The following KIAA1958 variants were observed in gnomAD, a reference collection of about 807,000 sequenced individuals.
The protein encoded by KIAA1958 is uncharacterized protein KIAA1958.
In KIAA1958, 14 loss-of-function variants were observed where a neutral mutation model predicts 47.2. The observed-to-expected ratio is 0.30, with a 90% CI of 0.20 to 0.46. The LOEUF is 0.46. KIAA1958 is among the 20% of genes least tolerant of loss of function. The pLI, the probability that KIAA1958 is intolerant of heterozygous loss-of-function variation, is 1.00. For synonymous variants in KIAA1958, 354 were observed against 353.3 expected, an observed-to-expected ratio of 1.00 and a Z score of -0.02; for missense variants, 803 against 909.2, an observed-to-expected ratio of 0.88 and a Z score of 1.50.
intron 1 of KIAA1958, among the ~76,000 whole-genome samples, chr9:112,538,253 A>G (rs1834887555): frequency 6.6e-6 from 1 of 152,018 alleles, no homozygotes; most frequent in Admixed American, 6.6e-5. Flanking sequence ...GCTGAGGTGG[A>G]TTGCTTGAGG....
chr9:112,571,118 C>T (rs1047492695), intron 1 of KIAA1958, among the ~76,000 whole-genome samples: 2 of 152,340 alleles, frequency 1.3e-5, no homozygotes, highest in African/African-American at 4.8e-5. Flanking sequence ...ATAATCCACT[C>T]AGACTCACAC....
At chr9:112,650,442 A>AG (rs1222704705) in intron 3 of KIAA1958, among the ~76,000 whole-genome samples, 1 of 152,208 alleles carries the variant, frequency 6.6e-6, no homozygotes, top group Non-Finnish European at 1.5e-5. Context: ...GATGAATGAA[A>AG]GGGTAGTGTT....
chr9:112,612,359 G>GATC lies in KIAA1958; in HGVS notation c.1172-33289_1172-33287dup, dbSNP rs1836341495. Among the ~76,000 whole-genome samples the GATC allele has an allele frequency of 2.0e-5, 3 of 152,232 alleles. No homozygotes were observed. In the South Asian group the frequency reaches 6.2e-4, roughly 32 times the overall value. ...GGAGGACAAGGCTGCAGTGAGCTGT[G>GATC]ATCACATCACTGCATGCCAGCCTGG... On this transcript the variant is annotated intron_variant, in intron 2 of 3. Transcript: ENST00000337530.
chr9:112,625,218 G>T (rs1414293846), intron 2 of KIAA1958, among the ~76,000 whole-genome samples: 2 of 152,168 alleles, frequency 1.3e-5, no homozygotes, highest in African/African-American at 4.8e-5. Context: ...AAGACTCACT[G>T]CAGTGGCACT....
At position 112,667,166 on chromosome 9, in the gene KIAA1958, A is replaced by G. The variant is rs1041927545; in HGVS notation, c.*7097A>G. On this transcript the variant is annotated 3_prime_UTR_variant, in exon 4 of 4. Transcript: ENST00000337530. The stretch of plus-strand genomic sequence containing the variant: ...TTGGAAATATGTTCATCACCTTACC[A>G]TTGACCTGGGATTTAACTGAAAAAG... 2.0e-5 allele frequency: 3 copies of G among 152,240 alleles called. No individual in the cohort carries two copies. The highest frequency in any genetic ancestry group is 7.2e-5 in the African/African-American group (3 of 41,462). The allele number at this position is 152,240 out of a possible 1,614,324, so 9.4% of individuals were successfully genotyped here. A position where few individuals can be genotyped will look rare whatever the true frequency, so the allele number is the denominator to read the frequency against.
intron 2 of KIAA1958, among the ~76,000 whole-genome samples, chr9:112,609,316 A>G (rs1024839331): frequency 6.6e-6 from 1 of 152,228 alleles, no homozygotes; most frequent in Non-Finnish European, 1.5e-5. Context: ...CACTACTTAA[A>G]TTCGACGTAA....
rs1021960139 is a variant in KIAA1958, at chr9:112,660,573, T to G, written c.*504T>G. The G allele has an allele frequency of 6.3e-6, 1 of 157,660 alleles. No individual in the cohort carries two copies. Among genetic ancestry groups the G allele is most frequent in the East Asian group, 1.9e-4 (1 of 5,394 alleles). 9.8% of individuals were successfully genotyped at this position (157,660 alleles called of 1,614,324 possible). A position where few individuals can be genotyped will look rare whatever the true frequency, so the allele number is the denominator to read the frequency against. Reference sequence around the variant, plus strand: ...GATTGCGCTTGATGCGCCTTTTTTTTCTGTTGGTGGATAAGGTGGTTCTGG... The same window carrying G: ...GATTGCGCTTGATGCGCCTTTTTTTGCTGTTGGTGGATAAGGTGGTTCTGG... On this transcript the variant is annotated 3_prime_UTR_variant, in exon 4 of 4. Transcript: ENST00000337530.
At chr9:112,577,857 T>G (rs1169776256) in intron 2 of KIAA1958, among the ~76,000 whole-genome samples, 1 of 152,154 alleles carries the variant, frequency 6.6e-6, no homozygotes, top group Non-Finnish European at 1.5e-5. Context: ...AAATTGCACT[T>G]CTTATATTAG....
chr9:112,619,847 G>A (rs770406523), intron 2 of KIAA1958, among the ~76,000 whole-genome samples: 1 of 152,114 alleles, frequency 6.6e-6, no homozygotes, highest in African/African-American at 2.4e-5. Context: ...TCTAGAAGCA[G>A]TAGTCGAGAC....
At chr9:112,549,738 G>A (rs900023896) in intron 1 of KIAA1958, among the ~76,000 whole-genome samples, 9 of 152,156 alleles carry the variant, frequency 5.9e-5, no homozygotes, top group Admixed American at 1.3e-4. Flanking sequence ...GTTCTCAAAT[G>A]GGGATGAAAA....
chr9:112,546,848 C>A (rs982452301), intron 1 of KIAA1958, among the ~76,000 whole-genome samples: 2 of 152,054 alleles, frequency 1.3e-5, no homozygotes, highest in Non-Finnish European at 2.9e-5. Context: ...GGAAGCACTC[C>A]TTGACTCGTT....
At position 112,561,302 on chromosome 9, in the gene KIAA1958, C is replaced by CG. The variant is rs112600284; in HGVS notation, c.-24-12755_-24-12754insG. On this transcript the variant is annotated intron_variant, in intron 1 of 3. Coordinates refer to ENST00000337530, the MANE Select transcript of KIAA1958 (RefSeq NM_133465.4). The stretch of plus-strand genomic sequence containing the variant: ...GTCTCCTGACCTCGCGATCTGCCTG[C>CG]CTCGGCCTCCCAAAGTGCTGGGATT... Among the ~76,000 whole-genome samples the CG allele has an allele frequency of 5.2e-3, 797 of 152,236 alleles. 8 individuals are homozygous for CG. The highest frequency in any genetic ancestry group is 0.018 in the African/African-American group (757 of 41,532).
At chr9:112,572,335 C>G (rs1835553737) in intron 1 of KIAA1958, among the ~76,000 whole-genome samples, 2 of 152,024 alleles carry the variant, frequency 1.3e-5, no homozygotes, top group Non-Finnish European at 2.9e-5. Flanking sequence ...ATTCATTCTT[C>G]ATTCATTTAT....
intron 2 of KIAA1958, among the ~76,000 whole-genome samples, chr9:112,587,341 G>T (rs1407599366): frequency 6.6e-6 from 1 of 152,028 alleles, no homozygotes; most frequent in Middle Eastern, 3.2e-3. Context: ...GTAGAGACGG[G>T]GTTTCACCAT....
intron 1 of KIAA1958, among the ~76,000 whole-genome samples, chr9:112,538,084 T>C (rs1047845742): frequency 4.6e-5 from 7 of 152,012 alleles, no homozygotes; most frequent in Non-Finnish European, 7.4e-5. Flanking sequence ...TAATCCCAGC[T>C]CTATGGGAGG....
chr9:112,560,929 T>A (rs1476149665), intron 1 of KIAA1958, among the ~76,000 whole-genome samples: 1 of 152,062 alleles, frequency 6.6e-6, no homozygotes, highest in East Asian at 1.9e-4. Flanking sequence ...CCCTTCTTCA[T>A]CTGTGAATTC....
chr9:112,512,881 A>AGGCT (rs1246981546), intron 1 of KIAA1958, among the ~76,000 whole-genome samples: 7 of 152,068 alleles, frequency 4.6e-5, no homozygotes, highest in Non-Finnish European at 1.0e-4. Flanking sequence ...TCCGTCATCC[A>AGGCT]GGCTGGATTG....
intron 1 of KIAA1958, among the ~76,000 whole-genome samples, chr9:112,499,881 G>A (rs1834105587): frequency 6.6e-6 from 1 of 151,210 alleles, no homozygotes; most frequent in African/African-American, 2.4e-5. Context: ...GTAGAGATGG[G>A]GTTTCACCGT....
intron 2 of KIAA1958, among the ~76,000 whole-genome samples, chr9:112,606,017 A>C (rs1455756484): frequency 6.6e-6 from 1 of 152,124 alleles, no homozygotes; most frequent in African/African-American, 2.4e-5. Flanking sequence ...CCTTATATCC[A>C]TCTCTGTAGA....
Sources: gnomAD v4.1 joint callset for allele counts (sites outside exome capture counted in the v4.1 genomes callset) on GRCh38, gnomAD v4.1.1 for gene constraint, MANE v1.5 for transcripts, NCBI Gene and HGNC (gene_info 2026-07-23, HGNC 2026-07-21) for gene names.